Variants in ALMS1 observed in about 807,000 individuals in gnomAD.
The protein encoded by ALMS1 is centrosome-associated protein ALMS1.
ALMS1 carries 271 observed loss-of-function variants against 352.2 expected under a neutral mutation model. The observed-to-expected ratio is 0.77, with a 90% CI of 0.70 to 0.85. The LOEUF is 0.85. ALMS1 is among the 40% of genes least tolerant of loss of function. The pLI is 0.00. For synonymous variants in ALMS1, 1,865 were observed against 1,761.2 expected (o/e 1.06, Z -1.48); for missense variants, 5,445 against 4,870.7 (o/e 1.12, Z -3.51).
Position 73,489,919 on chromosome 2 carries a change from T to C in ALMS1, c.7960T>C (p.Phe2654Leu), listed in dbSNP as rs1447261453. Residue 2654 changes from phenylalanine (F) to leucine (L), a missense_variant, in exon 10 of 23, where the codon TTT becomes CTT. Physicochemically the swap from Phe to Leu is conservative, Grantham distance 22 (BLOSUM62 0). Coordinates refer to ENST00000613296, the MANE Select transcript of ALMS1 (RefSeq NM_001378454.1). ...NSLQLKSHSPFQNFIPDEFKI... is the reference protein window; with the variant it reads ...NSLQLKSHSPLQNFIPDEFKI... ...CTTGCAGTTAAAAAGTCATTCCCCA[T>C]TTCAGAACTTTATACCTGATGAATT... 1 of 1,614,206 alleles carries C rather than the reference T, an allele frequency of 6.2e-7. No homozygotes were observed. The highest frequency in any genetic ancestry group is 1.1e-5 in the South Asian group (1 of 91,090).
intron 21 of ALMS1, among the ~76,000 whole-genome samples, chr2:73,606,428 A>G (rs1376338185): frequency 6.6e-6 from 1 of 152,142 alleles, no homozygotes; most frequent in African/African-American, 2.4e-5. Context: ...TAATACTCTC[A>G]CCTCAGCAAG....
At chr2:73,439,338 C>A (rs1231893711) in intron 7 of ALMS1, among the ~76,000 whole-genome samples, 1 of 151,702 alleles carries the variant, frequency 6.6e-6, no homozygotes, top group Non-Finnish European at 1.5e-5. Flanking sequence ...TGGTTTTCAG[C>A]TCCTGGCCTT....
chr2:73,602,371 A>G lies in ALMS1; in HGVS notation c.12298+3A>G, dbSNP rs1675717896. 1 of 1,614,126 alleles carries G rather than the reference A, an allele frequency of 6.2e-7. No individual in the cohort carries two copies. Among genetic ancestry groups the G allele is most frequent in the Non-Finnish European group, 8.5e-7 (1 of 1,179,996 alleles). ...CATGTGCCCGCTGCCCAAGAGAGGT[A>G]CGCCCTGCCCGTTCACTTTCCTGTG... On this transcript the variant is annotated splice_donor_region_variant and intron_variant, in intron 20 of 22. Coordinates refer to ENST00000613296, the MANE Select transcript of ALMS1 (RefSeq NM_001378454.1).
rs201819880 is a variant in ALMS1, at chr2:73,573,230, A to G, written c.11353A>G (p.Ile3785Val). The change falls in exon 16 of 23, where the codon ATT becomes GTT. Residue 3785 changes from isoleucine to valine, a missense_variant. Transcript: ENST00000613296. ...LHERSSSVST[I>V]DTARLIQAFG... is the part of the protein sequence containing the mutation. ...CGAAAGGAGTAGCTCTGTTTCCACT[A>G]TTGACACTGCCCGGCTGATTCAAGC... The G allele has an allele frequency of 5.9e-4, 958 of 1,613,408 alleles. 1 individual carries two copies. The highest frequency in any genetic ancestry group is 7.8e-4 in the Non-Finnish European group (916 of 1,179,576).
intron 15 of ALMS1, among the ~76,000 whole-genome samples, chr2:73,568,423 A>G (rs901859538): frequency 6.6e-6 from 1 of 152,194 alleles, no homozygotes; most frequent in Non-Finnish European, 1.5e-5. Context: ...CTACACATAA[A>G]CGCACAAACA....
At chr2:73,441,595 C>G (rs559346200) in intron 7 of ALMS1, among the ~76,000 whole-genome samples, 25 of 146,742 alleles carry the variant, frequency 1.7e-4, no homozygotes, top group African/African-American at 6.3e-4. Context: ...CTCCTTTGTT[C>G]CCTTTCTCCT....
intron 9 of ALMS1, among the ~76,000 whole-genome samples, chr2:73,479,866 A>G (rs968506162): frequency 2.0e-5 from 3 of 152,106 alleles, no homozygotes; most frequent in African/African-American, 7.2e-5. Flanking sequence ...TCTACTCCAT[A>G]TCCTCACCAG....
At chr2:73,602,060 C>A in intron 19 of ALMS1, 125 bp from the exon 20 acceptor site, 1 of 1,014,274 alleles carries the variant, frequency 9.9e-7, no homozygotes, top group Non-Finnish European at 1.5e-6. Flanking sequence ...ACGCTAGATA[C>A]TTTCTCGGCA....
chr2:73,444,645 A>T (rs918655211), intron 7 of ALMS1, among the ~76,000 whole-genome samples: 1 of 152,188 alleles, frequency 6.6e-6, no homozygotes. Flanking sequence ...ATTACATTTA[A>T]CTTGATTTTG....
At chr2:73,593,012 C>T (rs1245182579) in intron 16 of ALMS1, among the ~76,000 whole-genome samples, 1 of 152,070 alleles carries the variant, frequency 6.6e-6, no homozygotes, top group African/African-American at 2.4e-5. Context: ...GCTGATAATG[C>T]CATTTAATAT....
chr2:73,601,056 C>T, intron 18 of ALMS1, 139 bp from the exon 19 acceptor site: 1 of 1,464,750 alleles, frequency 6.8e-7, no homozygotes, highest in Non-Finnish European at 9.3e-7. Context: ...TGCAGCAAAA[C>T]CAGACTCAAG....
At chr2:73,427,597 C>T (rs1356866341) in intron 6 of ALMS1, among the ~76,000 whole-genome samples, 1 of 152,046 alleles carries the variant, frequency 6.6e-6, no homozygotes, top group Admixed American at 6.6e-5. Context: ...ATCAACCTGT[C>T]ATCTACATTA....
In ALMS1 at chr2:73,602,262, G is replaced by T. The variant is rs1675711804; in HGVS notation, c.12192G>T (p.Gln4064His). The T allele has an allele frequency of 1.9e-6, 3 of 1,614,176 alleles. No individual in the cohort carries two copies. Among genetic ancestry groups the T allele is most frequent in the Non-Finnish European group, 2.5e-6 (3 of 1,180,036 alleles). Reference sequence around the variant, plus strand: ...TAAAGCGCCTGAAGTTAATAGTCCAGGAGAGGAAGCTGCAGAGCATGTTAC... The same window carrying T: ...TAAAGCGCCTGAAGTTAATAGTCCATGAGAGGAAGCTGCAGAGCATGTTAC... ...ERIKRLKLIV[Q>H]ERKLQSMLQT... The change falls in exon 20 of 23, where the codon CAG (glutamine) becomes CAT (histidine). Residue 4064 changes from glutamine to histidine, a missense_variant. Gln to His is a conservative substitution (Grantham distance 24). Transcript: ENST00000613296.
intron 5 of ALMS1, among the ~76,000 whole-genome samples, chr2:73,426,210 C>T (rs750928536): frequency 2.0e-5 from 3 of 152,346 alleles, no homozygotes; most frequent in East Asian, 1.9e-4. Flanking sequence ...AGGATGTTAA[C>T]TGTAGAAATG....
chr2:73,466,276 C>A (rs1281716201), intron 9 of ALMS1, among the ~76,000 whole-genome samples: 7 of 151,986 alleles, frequency 4.6e-5, no homozygotes, highest in African/African-American at 7.3e-5. Flanking sequence ...AAATGTGGCA[C>A]ATATACACCA....
At chr2:73,502,025 A>G (rs1262547769) in intron 10 of ALMS1, among the ~76,000 whole-genome samples, 3 of 152,100 alleles carry the variant, frequency 2.0e-5, no homozygotes, top group East Asian at 3.8e-4. Context: ...ACTATGGTAT[A>G]TGGCATTTTA....
At chr2:73,494,745 T>C (rs1232154266) in intron 10 of ALMS1, among the ~76,000 whole-genome samples, 1 of 152,248 alleles carries the variant, frequency 6.6e-6, no homozygotes, top group Non-Finnish European at 1.5e-5. Flanking sequence ...TTACTGGTGA[T>C]GTTAACCTTG....
intron 1 of ALMS1, among the ~76,000 whole-genome samples, chr2:73,400,254 C>G (rs1670848487): frequency 6.6e-6 from 1 of 152,146 alleles, no homozygotes; most frequent in Non-Finnish European, 1.5e-5. Context: ...CCTTAACTGA[C>G]TTTTGAATGT....
chr2:73,568,261 A>G (rs939746123), intron 15 of ALMS1, among the ~76,000 whole-genome samples: 69 of 152,206 alleles, frequency 4.5e-4, no homozygotes, highest in African/African-American at 1.4e-3. Flanking sequence ...CTATTATTAG[A>G]AGTGCAAATT....
Sources: gnomAD v4.1 joint callset for allele counts (sites outside exome capture counted in the v4.1 genomes callset) on GRCh38, gnomAD v4.1.1 for gene constraint, MANE v1.5 for transcripts, NCBI Gene and HGNC (gene_info 2026-07-23, HGNC 2026-07-21) for gene names.